KLF6: variants seen among roughly 807,000 people sequenced by gnomAD.
KLF6 encodes KLF transcription factor 6, also known as Krueppel-like factor 6.
For synonymous variants in KLF6, 152 were observed against 147.9 expected, an observed-to-expected ratio of 1.03 and a Z score of -0.20; for missense variants, 233 against 359.8, an observed-to-expected ratio of 0.65 and a Z score of 2.85.
rs1381258336 is a variant in KLF6 at position 3,781,897 on chromosome 10, C to T, written c.420G>A (p.Leu140=). 1 of 1,614,052 alleles carries T rather than the reference C, an allele frequency of 6.2e-7. No homozygotes were observed. The highest frequency in any genetic ancestry group is 8.5e-7 in the Non-Finnish European group (1 of 1,180,044). ...IGEVLVSSGK[L]SSSVTSTPPS... ...GAGGCGTGGAGGTGACAGAGGAGCT[C>T]AATTTTCCCGAGCTGACCAAAACTT... The change falls in exon 2 of 4, where the codon TTG becomes TTA. Residue 140 remains leucine (L), a synonymous_variant. Transcript: ENST00000497571. This position sits in a 1 kb window ranked among gnomAD's most constrained non-coding sequence, Gnocchi z 5.8.
At position 3,780,095 on chromosome 10, in the gene KLF6, C is replaced by G; in HGVS notation, c.800+11G>C. The G allele has an allele frequency of 6.2e-7, 1 of 1,614,190 alleles. No individual in the cohort carries two copies. Among genetic ancestry groups the G allele is most frequent in the Non-Finnish European group, 8.5e-7 (1 of 1,180,042 alleles). ...CACGCTCCTTGCCCAGCATTGTCCT[C>G]AGGCACGTACCTGTCACAGTGGGAG... On this transcript the variant is annotated intron_variant, in intron 3 of 3. Coordinates refer to ENST00000497571, the MANE Select transcript of KLF6 (RefSeq NM_001300.6). This position sits in a 1 kb window ranked among gnomAD's most constrained non-coding sequence, Gnocchi z 4.6.
In KLF6 at chr10:3,779,495, A is replaced by G. The variant is rs1206344155; in HGVS notation, c.*44T>C. The G allele has an allele frequency of 1.9e-6, 3 of 1,550,582 alleles. No individual in the cohort carries two copies. Among genetic ancestry groups the G allele is most frequent in the Admixed American group, 1.7e-5 (1 of 59,916 alleles). On this transcript the variant is annotated 3_prime_UTR_variant, in exon 4 of 4. Coordinates refer to ENST00000497571, the MANE Select transcript of KLF6 (RefSeq NM_001300.6). Reference sequence around the variant, plus strand: ...ATCCCTCCTTCCACGGCCGGCTCTCAGCCTGGAAGCCTTTTAGCCTACAGG... The same window carrying G: ...ATCCCTCCTTCCACGGCCGGCTCTCGGCCTGGAAGCCTTTTAGCCTACAGG...
chr10:3,776,908 A>G lies in KLF6; in HGVS notation c.*2631T>C, dbSNP rs1273872872. 2 of 519,676 alleles carry G rather than the reference A, an allele frequency of 3.8e-6. No individual in the cohort carries two copies. The highest frequency in any genetic ancestry group is 1.6e-5 in the South Asian group (1 of 62,602). 32.2% of individuals were successfully genotyped at this position (519,676 alleles called of 1,614,324 possible). A position where few individuals can be genotyped will look rare whatever the true frequency, so the allele number is the denominator to read the frequency against. On this transcript the variant is annotated 3_prime_UTR_variant, in exon 4 of 4. Transcript: ENST00000497571. ...TCCGACATGTTTCGTAAGTGAGACA[A>G]GCCAGTGCAAGTTTTTTTTTTTCCT...
Position 3,777,212 on chromosome 10 carries a change from A to C in KLF6, c.*2327T>G, listed in dbSNP as rs541557967. ...AAAATACCAGCCCAGCCAGACTCAC[A>C]TGTGTGTATATATATATAAAGCAAA... On this transcript the variant is annotated 3_prime_UTR_variant, in exon 4 of 4. Coordinates refer to ENST00000497571, the MANE Select transcript of KLF6 (RefSeq NM_001300.6). 1.2e-4 allele frequency: 64 copies of C among 517,268 alleles called. No homozygotes were observed. The highest frequency in any genetic ancestry group is 1.0e-3 in the African/African-American group (55 of 52,958). 32.0% of individuals were successfully genotyped at this position (517,268 alleles called of 1,614,324 possible). A position where few individuals can be genotyped will look rare whatever the true frequency, so the allele number is the denominator to read the frequency against.
Position 3,785,051 on chromosome 10 carries a change from G to C in KLF6, c.-37C>G. 1 of 1,609,150 alleles carries C rather than the reference G, an allele frequency of 6.2e-7. No individual in the cohort carries two copies. Among genetic ancestry groups the C allele is most frequent in the Non-Finnish European group, 8.5e-7 (1 of 1,178,114 alleles). ...TTGGACGGAGCCCGCGGTCGCGAGGGCGGCGAGGCGCGCGGTGGGAGCCGG... is the reference window on the plus strand; with the variant it reads ...TTGGACGGAGCCCGCGGTCGCGAGGCCGGCGAGGCGCGCGGTGGGAGCCGG... On this transcript the variant is annotated 5_prime_UTR_variant, in exon 1 of 4. Coordinates refer to ENST00000497571, the MANE Select transcript of KLF6 (RefSeq NM_001300.6).
At position 3,777,883 on chromosome 10, in the gene KLF6, G is replaced by T; in HGVS notation, c.*1656C>A. 2.0e-6 allele frequency: 1 copy of T among 488,190 alleles called. No homozygotes were observed. Among genetic ancestry groups the T allele is most frequent in the Admixed American group, 2.3e-5 (1 of 42,756 alleles). 30.2% of individuals were successfully genotyped at this position (488,190 alleles called of 1,614,324 possible). A position where few individuals can be genotyped will look rare whatever the true frequency, so the allele number is the denominator to read the frequency against. On this transcript the variant is annotated 3_prime_UTR_variant, in exon 4 of 4. Coordinates refer to ENST00000497571, the MANE Select transcript of KLF6 (RefSeq NM_001300.6). ...CCAACAGATAGCTAGACAGATATGT[G>T]AAACTTGTGCCTTTTAAGCAAATAC...
At position 3,776,738 on chromosome 10, in the gene KLF6, T is replaced by C. The variant is rs1358511448; in HGVS notation, c.*2801A>G. 1.0e-5 allele frequency: 4 copies of C among 386,246 alleles called. No individual in the cohort carries two copies. The highest frequency in any genetic ancestry group is 9.9e-6 in the Non-Finnish European group (2 of 201,454). The allele number at this position is 386,246 out of a possible 1,614,324, so 23.9% of individuals were successfully genotyped here. A position where few individuals can be genotyped will look rare whatever the true frequency, so the allele number is the denominator to read the frequency against. On this transcript the variant is annotated 3_prime_UTR_variant, in exon 4 of 4. Coordinates refer to ENST00000497571, the MANE Select transcript of KLF6 (RefSeq NM_001300.6). ...AAAAAAGAAATTTCACTAATAGAAA[T>C]TTTTTTTTAATTTCAAGCAAAAAGT...
Position 3,780,459 on chromosome 10 carries a change from G to A in KLF6, c.677-230C>T, listed in dbSNP as rs1832492312. 1.7e-6 allele frequency: 1 copy of A among 595,220 alleles called. No individual in the cohort carries two copies. The highest frequency in any genetic ancestry group is 3.0e-6 in the Non-Finnish European group (1 of 329,938). The allele number at this position is 595,220 out of a possible 1,614,324, so 36.9% of individuals were successfully genotyped here. A position where few individuals can be genotyped will look rare whatever the true frequency, so the allele number is the denominator to read the frequency against. ...GGGACACAGCTTCAGCCAAGCCCAT[G>A]GTGCTGTCATCAAAGTTAACGTGGA... On this transcript the variant is annotated intron_variant, in intron 2 of 3. Coordinates refer to ENST00000497571, the MANE Select transcript of KLF6 (RefSeq NM_001300.6). The surrounding 1 kb of genome is among the most constrained non-coding windows in gnomAD (Gnocchi z 4.6).
In KLF6 at chr10:3,777,020, A is replaced by C. The variant is rs1223517131; in HGVS notation, c.*2519T>G. ...AGAAGGCCAAAAAAGGAGTTTTCCA[A>C]ACCCAGCAAATCAAGTGCTTGGATT... On this transcript the variant is annotated 3_prime_UTR_variant, in exon 4 of 4. Coordinates refer to ENST00000497571, the MANE Select transcript of KLF6 (RefSeq NM_001300.6). The C allele has an allele frequency of 3.9e-6, 2 of 518,268 alleles. No homozygotes were observed. The highest frequency in any genetic ancestry group is 4.5e-5 in the Admixed American group (2 of 44,452). 32.1% of individuals were successfully genotyped at this position (518,268 alleles called of 1,614,324 possible). A position where few individuals can be genotyped will look rare whatever the true frequency, so the allele number is the denominator to read the frequency against.
Position 3,781,939 on chromosome 10 carries a change from G to A in KLF6, c.378C>T (p.Thr126=). ...SEELSPTAKF[T]SDPIGEVLVS... ...CCAAAACTTCGCCAATGGGGTCGGA[G>A]GTAAACTTGGCCGTGGGAGAAAGTT... Residue 126 remains threonine (T), a synonymous_variant, in exon 2 of 4, where the codon ACC becomes ACT. Coordinates refer to ENST00000497571, the MANE Select transcript of KLF6 (RefSeq NM_001300.6). This position sits in a 1 kb window ranked among gnomAD's most constrained non-coding sequence, Gnocchi z 5.8. 2 of 1,614,224 alleles carry A rather than the reference G, an allele frequency of 1.2e-6. No homozygotes were observed. The highest frequency in any genetic ancestry group is 1.7e-5 in the Admixed American group (1 of 60,026).
chr10:3,778,414 C>A lies in KLF6; in HGVS notation c.*1125G>T. 1.9e-6 allele frequency: 1 copy of A among 525,414 alleles called. No homozygotes were observed. Among genetic ancestry groups the A allele is most frequent in the East Asian group, 4.1e-5 (1 of 24,634 alleles). The allele number at this position is 525,414 out of a possible 1,614,324, so 32.5% of individuals were successfully genotyped here. The stretch of plus-strand genomic sequence containing the variant: ...TCTAAGCGTTAGTGGTTTTATCCAC[C>A]CAACTGAGAAAAATTTTAGGTTCTT... On this transcript the variant is annotated 3_prime_UTR_variant, in exon 4 of 4. Transcript: ENST00000497571.
At chr10:3,784,842 G>C (rs1047490918) in intron 1 of KLF6, 71 bp downstream of exon 1, 82 of 1,465,156 alleles carry the variant, frequency 5.6e-5, no homozygotes, top group Non-Finnish European at 7.0e-5. Flanking sequence ...AGAGCACCGG[G>C]TCTGAACCCC....
Position 3,780,063 on chromosome 10 carries a change from A to C in KLF6, c.800+43T>G. 1 of 1,613,210 alleles carries C rather than the reference A, an allele frequency of 6.2e-7. No homozygotes were observed. The highest frequency in any genetic ancestry group is 1.3e-5 in the African/African-American group (1 of 75,040). ...ACTCAACCCTGGTCATCACATTCCC[A>C]AGGCCCCACGCTCCTTGCCCAGCAT... is the stretch of plus-strand genomic sequence containing the variant. On this transcript the variant is annotated intron_variant, in intron 3 of 3. Transcript: ENST00000497571. This position sits in a 1 kb window ranked among gnomAD's most constrained non-coding sequence, Gnocchi z 4.6.
rs1490967443 is a variant in KLF6 at position 3,778,574 on chromosome 10, C to G, written c.*965G>C. ...AATTCAGAATCATTTAAAAATAATC[C>G]TGTGTTGCACAATGCCTTTCTGGAA... On this transcript the variant is annotated 3_prime_UTR_variant, in exon 4 of 4. Coordinates refer to ENST00000497571, the MANE Select transcript of KLF6 (RefSeq NM_001300.6). The G allele has an allele frequency of 1.4e-5, 7 of 516,896 alleles. No individual in the cohort carries two copies. The East Asian group carries it at 2.9e-4, about 21-fold the overall frequency. The allele number at this position is 516,896 out of a possible 1,614,324, so 32.0% of individuals were successfully genotyped here. A position where few individuals can be genotyped will look rare whatever the true frequency, so the allele number is the denominator to read the frequency against.
chr10:3,781,552 T>C lies in KLF6; in HGVS notation c.676+89A>G. 1 of 1,573,082 alleles carries C rather than the reference T, an allele frequency of 6.4e-7. No homozygotes were observed. Among genetic ancestry groups the C allele is most frequent in the Non-Finnish European group, 8.6e-7 (1 of 1,159,348 alleles). Reference sequence around the variant, plus strand: ...GGATTTGTCTGCCCTGACCACATCCTGTGCAGCCAGGCCCGGCTCCCTCCA... The same window carrying C: ...GGATTTGTCTGCCCTGACCACATCCCGTGCAGCCAGGCCCGGCTCCCTCCA... On this transcript the variant is annotated intron_variant, in intron 2 of 3. Coordinates refer to ENST00000497571, the MANE Select transcript of KLF6 (RefSeq NM_001300.6). The surrounding 1 kb of genome is among the most constrained non-coding windows in gnomAD (Gnocchi z 5.8).
At chr10:3,784,480 A>G (rs1436598566) in intron 1 of KLF6, among the ~76,000 whole-genome samples, 1 of 152,210 alleles carries the variant, frequency 6.6e-6, no homozygotes, top group Non-Finnish European at 1.5e-5. Context: ...CAAAAATAAA[A>G]GAGAGCTGGT....
rs1266865539 is a variant in KLF6 at position 3,776,557 on chromosome 10, G to A, written c.*2982C>T. On this transcript the variant is annotated 3_prime_UTR_variant, in exon 4 of 4. Transcript: ENST00000497571. ...AAAAAACAACCAGACTCAAGATGCT[G>A]ATAAGAATTCTTTTATGTTATTCCA... 8 of 526,314 alleles carry A rather than the reference G, an allele frequency of 1.5e-5. No homozygotes were observed. The highest frequency in any genetic ancestry group is 2.9e-5 in the Non-Finnish European group (8 of 271,546). 32.6% of individuals were successfully genotyped at this position (526,314 alleles called of 1,614,324 possible). A position where few individuals can be genotyped will look rare whatever the true frequency, so the allele number is the denominator to read the frequency against.
In KLF6 at chr10:3,779,489, G is replaced by C. The variant is rs769383213; in HGVS notation, c.*50C>G. 13 of 1,509,384 alleles carry C rather than the reference G, an allele frequency of 8.6e-6. No homozygotes were observed. The highest frequency in any genetic ancestry group is 1.2e-5 in the Non-Finnish European group (13 of 1,084,598). The allele number at this position is 1,509,384 out of a possible 1,614,324, so 93.5% of individuals were successfully genotyped here. On this transcript the variant is annotated 3_prime_UTR_variant, in exon 4 of 4. Transcript: ENST00000497571. ...ACACGCATCCCTCCTTCCACGGCCG[G>C]CTCTCAGCCTGGAAGCCTTTTAGCC...
chr10:3,782,846 G>A lies in KLF6; in HGVS notation c.103-632C>T, dbSNP rs916926644. 2.6e-5 allele frequency among the ~76,000 whole-genome samples: 4 copies of A among 152,200 alleles called. No homozygotes were observed. Among genetic ancestry groups the A allele is most frequent in the Admixed American group, 6.5e-5 (1 of 15,272 alleles). On this transcript the variant is annotated intron_variant, in intron 1 of 3. Transcript: ENST00000497571. The surrounding 1 kb of genome is among the most constrained non-coding windows in gnomAD (Gnocchi z 4.3). ...TTCCTGTGTAGCCCAGACCGCCTAT[G>A]TTTTCACAGAATGCCGTTCCCAAGT...
Sources: gnomAD v4.1 joint callset for allele counts (sites outside exome capture counted in the v4.1 genomes callset) on GRCh38, gnomAD v4.1.1 for gene constraint, Gnocchi (gnomAD v3.1) non-coding constraint, MANE v1.5 for transcripts, NCBI Gene and HGNC (gene_info 2026-07-23, HGNC 2026-07-21) for gene names.